Variants in THSD4 observed in about 807,000 individuals in gnomAD.
THSD4 encodes thrombospondin type 1 domain containing 4.
THSD4 carries 69 observed loss-of-function variants against 119.0 expected under a neutral mutation model. The ratio of observed to expected loss-of-function variants is 0.58; its 90% CI spans 0.48 to 0.71. THSD4 has a LOEUF of 0.71. Ranked by LOEUF, THSD4 falls within the 30% of genes least tolerant of loss-of-function variation. The pLI is 0.00. For missense variants in THSD4, 1,393 were observed against 1,391.1 expected (o/e 1.00, Z -0.02); for synonymous variants, 524 against 540.4 (o/e 0.97, Z 0.42).
intron 7 of THSD4, among the ~76,000 whole-genome samples, chr15:71,495,562 G>C (rs1012441707): frequency 2.0e-5 from 3 of 152,084 alleles, no homozygotes; most frequent in Non-Finnish European, 4.4e-5. Flanking sequence ...CCTGTGCTCG[G>C]GACATCCAAT....
At chr15:71,386,509 A>G (rs996028494) in intron 6 of THSD4, among the ~76,000 whole-genome samples, 4 of 152,244 alleles carry the variant, frequency 2.6e-5, no homozygotes, top group African/African-American at 9.6e-5. Context: ...GAAAAGGGGC[A>G]TATATTTTCA....
chr15:71,321,946 A>G (rs2045274874), intron 6 of THSD4, among the ~76,000 whole-genome samples: 1 of 152,156 alleles, frequency 6.6e-6, no homozygotes, highest in Non-Finnish European at 1.5e-5. Context: ...CAGAGTCAAC[A>G]ATTGCAAATA....
In THSD4 at chr15:71,215,114, GC is replaced by G. The variant is rs1240506517; in HGVS notation, c.183del (p.Trp62GlyfsTer12). 3 of 1,348,250 alleles carry G rather than the reference GC, an allele frequency of 2.2e-6. No homozygotes were observed. The highest frequency in any genetic ancestry group is 1.9e-6 in the Non-Finnish European group (2 of 1,046,196). The allele number at this position is 1,348,250 out of a possible 1,614,324, so 83.5% of individuals were successfully genotyped here. A position where few individuals can be genotyped will look rare whatever the true frequency, so the allele number is the denominator to read the frequency against. On this transcript the variant is annotated frameshift_variant, in exon 4 of 18. Coordinates refer to ENST00000261862, the MANE Select transcript of THSD4 (RefSeq NM_024817.3). LOFTEE classifies it high-confidence loss of function. ...GCCCCGGGAGTGTGGGGCGCCTGGG[GC>G]CCCTGGTCGGCCTGCTCGCGTAGCT... ...GGAPGVWGAW[G>X]PWSACSRSCS...
At chr15:71,503,745 A>G (rs867897765) in intron 7 of THSD4, among the ~76,000 whole-genome samples, 3 of 152,162 alleles carry the variant, frequency 2.0e-5, no homozygotes, top group South Asian at 4.1e-4. Context: ...ACCTCTTCCC[A>G]GGAATGTCAC....
chr15:71,636,677 A>G (rs1410312634), intron 7 of THSD4, among the ~76,000 whole-genome samples: 1 of 152,014 alleles, frequency 6.6e-6, no homozygotes, highest in African/African-American at 2.4e-5. Flanking sequence ...ACCAACACAG[A>G]GAAATCTTTT....
intron 1 of THSD4, among the ~76,000 whole-genome samples, chr15:71,138,827 G>C (rs1390591069): frequency 6.6e-6 from 1 of 152,080 alleles, no homozygotes; most frequent in Non-Finnish European, 1.5e-5. Context: ...TGTTTAAAGA[G>C]TGTAGTTCTC....
At chr15:71,630,988 C>T (rs1043149920) in intron 7 of THSD4, among the ~76,000 whole-genome samples, 10 of 152,210 alleles carry the variant, frequency 6.6e-5, no homozygotes, top group Non-Finnish European at 1.2e-4. Context: ...CCATCATGCT[C>T]TCCTCCCCAA....
chr15:71,259,035 C>T (rs1277881044), intron 6 of THSD4, among the ~76,000 whole-genome samples: 1 of 151,898 alleles, frequency 6.6e-6, no homozygotes, highest in South Asian at 2.1e-4. Context: ...ATCGCTTGAA[C>T]CTGGGAAGCG....
chr15:71,255,925 G>C (rs1488922955), intron 5 of THSD4, among the ~76,000 whole-genome samples: 1 of 152,158 alleles, frequency 6.6e-6, no homozygotes, highest in Admixed American at 6.5e-5. Context: ...CATGAACAAA[G>C]TCAAACAGAA....
chr15:71,216,741 G>A (rs1239891710), intron 4 of THSD4, among the ~76,000 whole-genome samples: 1 of 152,234 alleles, frequency 6.6e-6, no homozygotes, highest in African/African-American at 2.4e-5. Flanking sequence ...AAAGCCGAAG[G>A]CTAGATGTAC....
At chr15:71,335,626 A>G (rs948707985) in intron 6 of THSD4, among the ~76,000 whole-genome samples, 1 of 152,058 alleles carries the variant, frequency 6.6e-6, no homozygotes, top group African/African-American at 2.4e-5. Flanking sequence ...TGCTTTTACC[A>G]TCTCTAACTA....
At chr15:71,741,491 TC>T (rs2053233798) in intron 11 of THSD4, among the ~76,000 whole-genome samples, 1 of 151,922 alleles carries the variant, frequency 6.6e-6, no homozygotes, top group Non-Finnish European at 1.5e-5. Flanking sequence ...AGACTCCGTC[TC>T]AAAACAAAAC....
intron 3 of THSD4, among the ~76,000 whole-genome samples, chr15:71,199,714 G>GGT (rs1322368273): frequency 2.7e-4 from 14 of 52,002 alleles, no homozygotes; most frequent in Admixed American, 1.2e-3. Context: ...CTGGGTGTGT[G>GGT]GTGTGTGTGT....
chr15:71,140,334 AAG>A (rs1230076373), intron 1 of THSD4, among the ~76,000 whole-genome samples: 37 of 152,274 alleles, frequency 2.4e-4, no homozygotes, highest in Non-Finnish European at 1.5e-5. Context: ...GTCACACGGC[AAG>A]AGAGGGAGTG....
intron 1 of THSD4, 77 bp from the exon 2 acceptor site, chr15:71,141,372 G>A (rs2141371298): frequency 1.3e-6 from 1 of 747,188 alleles, no homozygotes; most frequent in South Asian, 2.2e-5. Flanking sequence ...GCTCATTTCT[G>A]GTTTTGTTGA....
intron 7 of THSD4, among the ~76,000 whole-genome samples, chr15:71,501,788 AAGC>A (rs1157963265): frequency 2.0e-5 from 3 of 152,184 alleles, no homozygotes; most frequent in African/African-American, 7.2e-5. Context: ...AAAGCTCACA[AAGC>A]AGCACACCCA....
chr15:71,671,945 T>C (rs2141015066), intron 8 of THSD4, among the ~76,000 whole-genome samples: 1 of 152,342 alleles, frequency 6.6e-6, no homozygotes, highest in African/African-American at 2.4e-5. Flanking sequence ...TTCTTTTGGC[T>C]TAGGATTGTC....
At chr15:71,165,216 T>G in intron 3 of THSD4, 2 of 1,552,706 alleles carry the variant, frequency 1.3e-6, no homozygotes, top group Non-Finnish European at 1.8e-6. Context: ...TAATGGGCCT[T>G]GTCCACCTTT....
intron 6 of THSD4, among the ~76,000 whole-genome samples, chr15:71,326,697 A>ATT (rs869258904): frequency 2.3e-5 from 1 of 44,082 alleles, no homozygotes. Context: ...AAAAAAAAAA[A>ATT]AAAATATATA....
Sources: allele counts gnomAD v4.1 joint callset (sites outside exome capture counted in the v4.1 genomes callset), GRCh38; gene constraint gnomAD v4.1.1; transcripts MANE v1.5; gene names NCBI Gene and HGNC (gene_info 2026-07-23, HGNC 2026-07-21).